ACTR3: variants seen among roughly 807,000 people sequenced by gnomAD.
The protein encoded by ACTR3 is actin related protein 3, also known as actin-related protein 3.
Under a neutral mutation model 56.8 loss-of-function variants are expected in ACTR3, and 12 were observed. The observed-to-expected ratio is 0.21, with a 90% CI of 0.14 to 0.34. ACTR3 has a LOEUF of 0.34. ACTR3 is among the 10% of genes least tolerant of loss of function. The pLI is 1.00. For missense variants in ACTR3, 282 were observed against 512.5 expected (o/e 0.55, Z 4.34); for synonymous variants, 162 against 167.4 (o/e 0.97, Z 0.25).
In ACTR3 at chr2:113,897,515, G is replaced by GTATTTTTTTTTTTT. The variant is rs1559454475; in HGVS notation, c.44+7193_44+7194insATTTTTTTTTTTTT. Among the ~76,000 whole-genome samples the GTATTTTTTTTTTTT allele has an allele frequency of 1.5e-5, 2 of 134,110 alleles. 1 individual carries two copies. Among genetic ancestry groups the GTATTTTTTTTTTTT allele is most frequent in the Non-Finnish European group, 3.2e-5 (2 of 63,482 alleles). The allele number at this position is 134,110 out of a possible 152,430, so 88.0% of individuals were successfully genotyped here. A position where few individuals can be genotyped will look rare whatever the true frequency, so the allele number is the denominator to read the frequency against. ...ATAGCTTGAATTTGTGTGGCCAGATGTTATTTTTTTTTTTTTTTTTTTTTT... is the reference window on the plus strand; with the variant it reads ...ATAGCTTGAATTTGTGTGGCCAGATGTATTTTTTTTTTTTTTATTTTTTTTTTTTTTTTTTTTTT... On this transcript the variant is annotated intron_variant, in intron 1 of 11. Transcript: ENST00000263238.
chr2:113,894,209 C>CAGCCTCCCAAGTAGCTG (rs1480084948), intron 1 of ACTR3, among the ~76,000 whole-genome samples: 1 of 151,960 alleles, frequency 6.6e-6, no homozygotes, highest in African/African-American at 2.4e-5. Flanking sequence ...TTTTCTGCCT[C>CAGCCTCCCAAGTAGCTG]AGCCTCCCAA....
At chr2:113,909,802 T>C (rs1679269430) in intron 1 of ACTR3, among the ~76,000 whole-genome samples, 1 of 152,128 alleles carries the variant, frequency 6.6e-6, no homozygotes. Context: ...AACTTTAATA[T>C]TCAGCTGAAG....
At chr2:113,895,059 T>TGGGGGGGGGGGGGGGGCCCCCCC in intron 1 of ACTR3, among the ~76,000 whole-genome samples, 1 of 111,460 alleles carries the variant, frequency 9.0e-6, no homozygotes, top group East Asian at 2.9e-4. Context: ...TGGTTTAGGT[T>TGGGGGGGGGGGGGGGGCCCCCCC]CCCCCCCCCC....
chr2:113,927,149 A>G (rs953590038), intron 3 of ACTR3, among the ~76,000 whole-genome samples, 196 bp from the exon 4 acceptor site: 2 of 148,696 alleles, frequency 1.3e-5, no homozygotes, highest in Admixed American at 1.3e-4. Context: ...TGAACCATCC[A>G]TCTGACAATG....
intron 6 of ACTR3, among the ~76,000 whole-genome samples, chr2:113,937,184 A>G (rs1044841760): frequency 6.6e-6 from 1 of 151,984 alleles, no homozygotes; most frequent in Non-Finnish European, 1.5e-5. Context: ...GCTCGCTTCA[A>G]CCTCTGCCTC....
In ACTR3 at chr2:113,890,108, C is replaced by G; in HGVS notation, c.-172C>G. 1.3e-6 allele frequency: 1 copy of G among 762,464 alleles called. No individual in the cohort carries two copies. Among genetic ancestry groups the G allele is most frequent in the South Asian group, 1.7e-5 (1 of 60,532 alleles). 47.2% of individuals were successfully genotyped at this position (762,464 alleles called of 1,614,324 possible). ...GCCTGGGTTGCGGAAGTGATAGCCG[C>G]CGACCGAGCCTGCTGCTTTCTTGCT... is the stretch of plus-strand genomic sequence containing the variant. On this transcript the variant is annotated 5_prime_UTR_variant, in exon 1 of 12. Coordinates refer to ENST00000263238, the MANE Select transcript of ACTR3 (RefSeq NM_005721.5).
chr2:113,941,974 AG>A (rs1172754654), intron 7 of ACTR3, among the ~76,000 whole-genome samples: 1 of 152,152 alleles, frequency 6.6e-6, no homozygotes. Flanking sequence ...TTATATTTAA[AG>A]TCAGAAAATA....
chr2:113,937,844 C>T (rs1679855572), intron 6 of ACTR3, among the ~76,000 whole-genome samples: 1 of 151,938 alleles, frequency 6.6e-6, no homozygotes, highest in African/African-American at 2.4e-5. Flanking sequence ...GTCTCTTCTC[C>T]TTGGGGTTCA....
rs192316484 is a variant in ACTR3, at chr2:113,942,470, G to A, written c.858+111G>A. On this transcript the variant is annotated intron_variant, in intron 8 of 11. Coordinates refer to ENST00000263238, the MANE Select transcript of ACTR3 (RefSeq NM_005721.5). The stretch of plus-strand genomic sequence containing the variant: ...TTTTATTAGTACACTAAAAGTTTGA[G>A]TTTTTATGAAAAGTTTATAAAACAT... 7.3e-4 allele frequency: 531 copies of A among 724,808 alleles called. 7 individuals carry two copies. Among genetic ancestry groups the A allele is most frequent in the East Asian group, 4.5e-3 (138 of 30,394 alleles). The allele number at this position is 724,808 out of a possible 1,614,324, so 44.9% of individuals were successfully genotyped here.
chr2:113,917,120 C>A, intron 3 of ACTR3, 112 bp downstream of exon 3: 2 of 916,220 alleles, frequency 2.2e-6, no homozygotes, highest in Non-Finnish European at 2.9e-6. Context: ...CAAACCTCTT[C>A]TCAGTAGAAA....
chr2:113,909,693 T>TA (rs1679267175), intron 1 of ACTR3, among the ~76,000 whole-genome samples: 1 of 147,104 alleles, frequency 6.8e-6, no homozygotes, highest in Admixed American at 6.8e-5. Context: ...ATAGACAAGA[T>TA]ATAAGGGAAA....
chr2:113,898,845 T>C (rs928291367), intron 1 of ACTR3, among the ~76,000 whole-genome samples: 25 of 152,126 alleles, frequency 1.6e-4, no homozygotes, highest in African/African-American at 6.0e-4. Flanking sequence ...TTGGATGTTA[T>C]TACCTTTTCA....
chr2:113,905,601 A>G (rs1159717262), intron 1 of ACTR3, among the ~76,000 whole-genome samples: 1 of 152,136 alleles, frequency 6.6e-6, no homozygotes, highest in East Asian at 1.9e-4. Flanking sequence ...ATGATCCATA[A>G]CTTTTTTATC....
chr2:113,892,822 G>T (rs1273741185), intron 1 of ACTR3, among the ~76,000 whole-genome samples: 1 of 152,044 alleles, frequency 6.6e-6, no homozygotes, highest in South Asian at 2.1e-4. Flanking sequence ...TTAGGGGAAA[G>T]GTGGCTGAAA....
At chr2:113,934,986 A>G (rs1045512016) in intron 6 of ACTR3, among the ~76,000 whole-genome samples, 3 of 152,108 alleles carry the variant, frequency 2.0e-5, no homozygotes, top group African/African-American at 7.2e-5. Context: ...CTTTTAAAGT[A>G]ATTTTTATAT....
chr2:113,938,795 C>A (rs1466630391), intron 6 of ACTR3, among the ~76,000 whole-genome samples: 1 of 152,142 alleles, frequency 6.6e-6, no homozygotes, highest in Non-Finnish European at 1.5e-5. Flanking sequence ...AACTCCTCCC[C>A]CTCCAATAAT....
chr2:113,911,282 T>G (rs190349634), intron 1 of ACTR3, among the ~76,000 whole-genome samples: 199 of 151,014 alleles, frequency 1.3e-3, no homozygotes, highest in Non-Finnish European at 2.3e-3. Context: ...ACAAGGAAAT[T>G]TTTTGTTTTT....
intron 1 of ACTR3, among the ~76,000 whole-genome samples, chr2:113,902,061 G>T (rs3791737): frequency 6.6e-6 from 1 of 151,998 alleles, no homozygotes; most frequent in Non-Finnish European, 1.5e-5. Context: ...ATTATGACCC[G>T]TGAACATTTA....
At chr2:113,890,593 C>T in intron 1 of ACTR3, 7 of 1,341,486 alleles carry the variant, frequency 5.2e-6, no homozygotes, top group Non-Finnish European at 6.7e-6. Context: ...CCCGGCCCTT[C>T]CCCCACTACG....
Sources: allele counts gnomAD v4.1 joint callset (sites outside exome capture counted in the v4.1 genomes callset), GRCh38; gene constraint gnomAD v4.1.1; transcripts MANE v1.5; gene names NCBI Gene and HGNC (gene_info 2026-07-23, HGNC 2026-07-21).